NLGN1: variants seen among roughly 807,000 people sequenced by gnomAD.
NLGN1 encodes neuroligin-1.
Under a neutral mutation model 65.5 loss-of-function variants are expected in NLGN1, and 12 were observed. The observed-to-expected ratio is 0.18, with a 90% CI of 0.12 to 0.30. The LOEUF (loss-of-function observed/expected upper bound fraction) is 0.30, where lower values mean the gene tolerates loss of function less well. Ranked by LOEUF, NLGN1 falls within the 10% of genes least tolerant of loss-of-function variation. The pLI is 1.00. For missense variants in NLGN1, 750 were observed against 1,007.1 expected, an observed-to-expected ratio of 0.74 and a Z score of 3.46; for synonymous variants, 350 against 359.5, an observed-to-expected ratio of 0.97 and a Z score of 0.30.
chr3:173,877,214 T>C (rs1441778384), intron 4 of NLGN1, among the ~76,000 whole-genome samples: 1 of 152,148 alleles, frequency 6.6e-6, no homozygotes, highest in East Asian at 1.9e-4. Flanking sequence ...TCTGTGGATA[T>C]CATGTACCTT....
intron 4 of NLGN1, among the ~76,000 whole-genome samples, chr3:173,917,458 A>G (rs937742275): frequency 7.2e-5 from 11 of 152,362 alleles, no homozygotes; most frequent in African/African-American, 2.4e-4. Flanking sequence ...TTCATTACAT[A>G]TGAGTTTAAT....
At chr3:173,585,738 T>A (rs541167178) in intron 2 of NLGN1, among the ~76,000 whole-genome samples, 22 of 152,374 alleles carry the variant, frequency 1.4e-4, no homozygotes, top group Non-Finnish European at 2.9e-4. Flanking sequence ...GCTGCATTTC[T>A]GATGCATCCC....
intron 4 of NLGN1, among the ~76,000 whole-genome samples, chr3:174,187,924 G>A (rs1025136214): frequency 1.3e-5 from 2 of 151,898 alleles, no homozygotes; most frequent in Non-Finnish European, 2.9e-5. Context: ...TTGCCTCCAC[G>A]TTAAGCACAA....
chr3:173,863,397 C>G (rs1729527926), intron 4 of NLGN1, among the ~76,000 whole-genome samples: 1 of 152,132 alleles, frequency 6.6e-6, no homozygotes, highest in East Asian at 1.9e-4. Context: ...AAAGCAGCAG[C>G]AGAAATCTTT....
intron 4 of NLGN1, among the ~76,000 whole-genome samples, chr3:174,218,390 G>T (rs1357537182): frequency 2.0e-5 from 3 of 151,836 alleles, no homozygotes; most frequent in South Asian, 2.1e-4. Flanking sequence ...TATCAGAAAG[G>T]GTTGAAGTAA....
chr3:173,823,655 A>G (rs1720765736), intron 4 of NLGN1, among the ~76,000 whole-genome samples: 1 of 152,104 alleles, frequency 6.6e-6, no homozygotes, highest in South Asian at 2.1e-4. Flanking sequence ...ACACAGTAAC[A>G]TGAGCCACAT....
chr3:173,397,268 TTGAGCG>T (rs1716768216), upstream of NLGN1, among the ~76,000 whole-genome samples: 1 of 152,080 alleles, frequency 6.6e-6, no homozygotes, highest in Non-Finnish European at 1.5e-5. Flanking sequence ...TTTGCCAGAG[TTGAGCG>T]AGACGAAGCC....
chr3:174,281,482 T>C, exon 7 of NLGN1: 1 of 501,730 alleles, frequency 2.0e-6, no homozygotes, highest in Non-Finnish European at 3.5e-6. Flanking sequence ...AAATCAACTT[T>C]AAAAACAAAT....
chr3:173,547,749 C>G (rs1257677284), intron 2 of NLGN1, among the ~76,000 whole-genome samples: 2 of 152,000 alleles, frequency 1.3e-5, no homozygotes, highest in African/African-American at 4.8e-5. Flanking sequence ...GAATTCTTCC[C>G]AGGCTATCAG....
At chr3:174,099,992 A>G (rs1175920290) in intron 4 of NLGN1, among the ~76,000 whole-genome samples, 1 of 152,158 alleles carries the variant, frequency 6.6e-6, no homozygotes, top group Non-Finnish European at 1.5e-5. Context: ...GAACTTTGCC[A>G]TGACCCTTGG....
intron 4 of NLGN1, among the ~76,000 whole-genome samples, chr3:173,849,596 A>G (rs1415643645): frequency 2.0e-5 from 3 of 152,214 alleles, no homozygotes; most frequent in Non-Finnish European, 2.9e-5. Flanking sequence ...GTATCATCCT[A>G]TCTTAAAGTA....
chr3:174,011,501 G>A (rs927913436), intron 4 of NLGN1, among the ~76,000 whole-genome samples: 3 of 152,070 alleles, frequency 2.0e-5, no homozygotes, highest in African/African-American at 7.2e-5. Flanking sequence ...CAAGCTTTGA[G>A]GTTTAAAGCT....
intron 3 of NLGN1, among the ~76,000 whole-genome samples, chr3:173,680,383 A>G (rs1329611353): frequency 6.6e-6 from 1 of 152,178 alleles, no homozygotes; most frequent in Non-Finnish European, 1.5e-5. Flanking sequence ...TGTACTTTTA[A>G]ATTATCTATA....
At chr3:174,023,815 G>C (rs541714518) in intron 4 of NLGN1, among the ~76,000 whole-genome samples, 9 of 152,238 alleles carry the variant, frequency 5.9e-5, no homozygotes, top group African/African-American at 2.2e-4. Flanking sequence ...AGGCAGAACT[G>C]GTAACAGTGA....
At chr3:173,718,343 C>CTCCAT (rs748621520) in intron 3 of NLGN1, among the ~76,000 whole-genome samples, 14 of 152,126 alleles carry the variant, frequency 9.2e-5, no homozygotes, top group Non-Finnish European at 1.5e-4. Flanking sequence ...TACTCCCTAC[C>CTCCAT]TCCATGAAAT....
chr3:173,550,800 A>G (rs1476826237), intron 2 of NLGN1, among the ~76,000 whole-genome samples: 1 of 152,172 alleles, frequency 6.6e-6, no homozygotes, highest in Non-Finnish European at 1.5e-5. Context: ...AAACTAGGGT[A>G]CTATTCAGAA....
intron 2 of NLGN1, among the ~76,000 whole-genome samples, chr3:173,471,073 C>T (rs960003972): frequency 1.3e-5 from 2 of 152,026 alleles, no homozygotes; most frequent in Non-Finnish European, 2.9e-5. Flanking sequence ...ATTAGTTGAT[C>T]TCCAGAAAAC....
At chr3:174,226,443 G>T (rs1739713773) in intron 4 of NLGN1, among the ~76,000 whole-genome samples, 1 of 152,068 alleles carries the variant, frequency 6.6e-6, no homozygotes, top group African/African-American at 2.4e-5. Flanking sequence ...GGGGTTGTTT[G>T]CTTGGTGGCA....
At chr3:173,663,809 A>G (rs910928309) in intron 3 of NLGN1, among the ~76,000 whole-genome samples, 3 of 151,992 alleles carry the variant, frequency 2.0e-5, no homozygotes, top group Admixed American at 2.0e-4. Context: ...AGATATCTGA[A>G]AGTCACGCTT....
Sources: allele counts gnomAD v4.1 joint callset (sites outside exome capture counted in the v4.1 genomes callset), GRCh38; gene constraint gnomAD v4.1.1; transcripts MANE v1.5; gene names NCBI Gene and HGNC (gene_info 2026-07-23, HGNC 2026-07-21).